Variants in SLC46A2 observed in about 807,000 individuals in gnomAD.
The protein encoded by SLC46A2 is solute carrier family 46 member 2.
A neutral mutation model predicts 33.1 loss-of-function variants in SLC46A2; 25 were observed. That is an observed-to-expected ratio of 0.76 (90% confidence interval 0.55 to 1.06). SLC46A2 has a LOEUF of 1.06. Among genes scored for constraint, SLC46A2 ranks in the 50% least tolerant of loss-of-function variants. The pLI is 0.00. For missense variants in SLC46A2, 622 were observed against 621.7 expected (o/e 1.00, Z 0.00); for synonymous variants, 254 against 275.9 (o/e 0.92, Z 0.79).
Position 112,887,393 on chromosome 9 carries a change from C to A in SLC46A2, c.1150G>T (p.Ala384Ser). 8.7e-6 allele frequency: 14 copies of A among 1,610,928 alleles called. No individual in the cohort carries two copies. The highest frequency in any genetic ancestry group is 1.2e-5 in the Non-Finnish European group (14 of 1,178,676). The change falls in exon 2 of 4, where the codon GCT becomes TCT. Residue 384 changes from alanine to serine, a missense_variant. Coordinates refer to ENST00000374228, the MANE Select transcript of SLC46A2 (RefSeq NM_033051.4). ...FYIARAVMLFALIPVTTIRSA... is the reference protein window; with the variant it reads ...FYIARAVMLFSLIPVTTIRSA... Reference sequence around the variant, plus strand: ...CGGATGGTTGTGACGGGGATGAGAGCAAACAGCATGACGGCTCGAGCTGAA... The same window carrying A: ...CGGATGGTTGTGACGGGGATGAGAGAAAACAGCATGACGGCTCGAGCTGAA...
intron 1 of SLC46A2, among the ~76,000 whole-genome samples, chr9:112,889,311 CCTT>C (rs936368123): frequency 6.6e-6 from 1 of 152,090 alleles, no homozygotes; most frequent in Non-Finnish European, 1.5e-5. Context: ...GACCACACCT[CCTT>C]GACTGCCCAG....
chr9:112,883,583 TATC>T (rs1182271192), intron 3 of SLC46A2, among the ~76,000 whole-genome samples: 1 of 152,076 alleles, frequency 6.6e-6, no homozygotes, highest in Non-Finnish European at 1.5e-5. Flanking sequence ...TTGCTGTTAT[TATC>T]ATTAAAAAAA....
chr9:112,883,414 A>C (rs183221586), intron 3 of SLC46A2, among the ~76,000 whole-genome samples: 1 of 152,230 alleles, frequency 6.6e-6, no homozygotes, highest in East Asian at 1.9e-4. Flanking sequence ...GCCACTTCCT[A>C]GCTGTGTACC....
rs2131548219 is a variant in SLC46A2 at position 112,889,780 on chromosome 9, A to G, written c.902T>C (p.Val301Ala). Reference protein sequence around the residue: ...IIYDLAVVGTVDVIPLFVLRE... With the variant: ...IIYDLAVVGTADVIPLFVLRE... ...CAGCACAAAAAGAGGGATCACGTCC[A>G]CTGTGCCCACCACCGCCAGGTCATA... Residue 301 changes from valine (V) to alanine (A), a missense_variant, in exon 1 of 4, where the codon GTG becomes GCG. By Grantham distance (64) the Val-to-Ala change is moderately conservative. Transcript: ENST00000374228. The G allele has an allele frequency of 6.2e-7, 1 of 1,614,130 alleles. No individual in the cohort carries two copies. Among genetic ancestry groups the G allele is most frequent in the Non-Finnish European group, 8.5e-7 (1 of 1,180,016 alleles).
chr9:112,889,726 T>G lies in SLC46A2; in HGVS notation c.956A>C (p.Gln319Pro). Residue 319 changes from glutamine to proline, a missense_variant, in exon 1 of 4, where the codon CAG becomes CCG. By Grantham distance (76) the Gln-to-Pro change is moderately conservative. Transcript: ENST00000374228. ...LREPLGWNQV[Q>P]VGYGMAAGYT... ...CCCTGCAGCCATACCATAGCCCACC[T>G]GCACTTGGTTCCAACCGAGAGGCTC... 1 of 1,614,130 alleles carries G rather than the reference T, an allele frequency of 6.2e-7. No homozygotes were observed. The highest frequency in any genetic ancestry group is 8.5e-7 in the Non-Finnish European group (1 of 1,180,004).
intron 2 of SLC46A2, 71 bp downstream of exon 2, chr9:112,887,259 T>C: frequency 7.1e-7 from 1 of 1,417,928 alleles, no homozygotes; most frequent in Non-Finnish European, 9.8e-7. Context: ...TCTGCAGGTC[T>C]GTGCCTCATG....
At chr9:112,888,871 A>G (rs1588150621) in intron 1 of SLC46A2, among the ~76,000 whole-genome samples, 1 of 69,510 alleles carries the variant, frequency 1.4e-5, no homozygotes, top group African/African-American at 1.2e-4. Flanking sequence ...CCACTCCTCC[A>G]CGTTTTTTTT....
rs372621524 is a variant in SLC46A2 at position 112,889,955 on chromosome 9, C to T, written c.727G>A (p.Val243Met). The T allele has an allele frequency of 9.3e-6, 15 of 1,614,076 alleles. No individual in the cohort carries two copies. The highest frequency in any genetic ancestry group is 5.3e-5 in the African/African-American group (4 of 74,946). Residue 243 changes from valine to methionine, a missense_variant, in exon 1 of 4, where the codon GTG (valine) becomes ATG (methionine). Coordinates refer to ENST00000374228, the MANE Select transcript of SLC46A2 (RefSeq NM_033051.4). ...VAKPSQELPA[V>M]DTVSGTVGTY... is the part of the protein sequence containing the mutation. ...CCAACCGTGCCAGACACGGTATCCACGGCGGGGAGCTCCTGGCTGGGTTTG... is the reference window on the plus strand; with the variant it reads ...CCAACCGTGCCAGACACGGTATCCATGGCGGGGAGCTCCTGGCTGGGTTTG...
chr9:112,890,776 C>CGGAGCGTGAGTGTGCTCCGTGCGCCG lies in SLC46A2; in HGVS notation c.-96_-95insCGGCGCACGGAGCACACTCACGCTCC, dbSNP rs1827220305. ...GCTACGGCTGCTCAGGTTTCAGTCC[C>CGGAGCGTGAGTGTGCTCCGTGCGCCG]GGAGCGCGAGTGTGCTCCGTGCGCC... On this transcript the variant is annotated 5_prime_UTR_variant, in exon 1 of 4. Coordinates refer to ENST00000374228, the MANE Select transcript of SLC46A2 (RefSeq NM_033051.4). The surrounding 1 kb of genome is among the most constrained non-coding windows in gnomAD (Gnocchi z 6.0). 4.0e-6 allele frequency: 5 copies of CGGAGCGTGAGTGTGCTCCGTGCGCCG among 1,264,690 alleles called. No homozygotes were observed. Among genetic ancestry groups the CGGAGCGTGAGTGTGCTCCGTGCGCCG allele is most frequent in the Non-Finnish European group, 5.4e-6 (5 of 925,078 alleles). 78.3% of individuals were successfully genotyped at this position (1,264,690 alleles called of 1,614,324 possible). A position where few individuals can be genotyped will look rare whatever the true frequency, so the allele number is the denominator to read the frequency against.
chr9:112,886,034 G>T (rs1050773491), intron 3 of SLC46A2, among the ~76,000 whole-genome samples: 2 of 152,208 alleles, frequency 1.3e-5, no homozygotes, highest in Admixed American at 6.5e-5. Flanking sequence ...GATTTCAGCC[G>T]CACTGAGCAC....
chr9:112,889,696 G>A lies in SLC46A2; in HGVS notation c.986C>T (p.Thr329Ile), dbSNP rs979877412. 1.9e-6 allele frequency: 3 copies of A among 1,614,108 alleles called. No individual in the cohort carries two copies. The highest frequency in any genetic ancestry group is 2.2e-5 in the South Asian group (2 of 91,056). The change falls in exon 1 of 4, where the codon ACC becomes ATC. Residue 329 changes from threonine (T) to isoleucine (I), a missense_variant. By Grantham distance (89) the Thr-to-Ile change is moderately conservative. Coordinates refer to ENST00000374228, the MANE Select transcript of SLC46A2 (RefSeq NM_033051.4). ...QVGYGMAAGY[T>I]IFITSFLGVL... ...ACCCAGGAAGCTGGTGATGAAGATG[G>A]TGTACCCTGCAGCCATACCATAGCC...
chr9:112,889,820 C>A lies in SLC46A2; in HGVS notation c.862G>T (p.Val288Leu). The change falls in exon 1 of 4, where the codon GTG becomes TTG. Residue 288 changes from valine (V) to leucine (L), a missense_variant. Physicochemically the swap from Val to Leu is conservative, Grantham distance 32. Transcript: ENST00000374228. Reference sequence around the variant, plus strand: ...GCCAGGTCATATATGATAGCACCCACAAAGAGCAAGGCAATGGTGGTTTTA... The same window carrying A: ...GCCAGGTCATATATGATAGCACCCAAAAAGAGCAAGGCAATGGTGGTTTTA... ...PHKTTIALLF[V>L]GAIIYDLAVV... The A allele has an allele frequency of 2.5e-6, 4 of 1,614,218 alleles. No homozygotes were observed. The highest frequency in any genetic ancestry group is 3.4e-6 in the Non-Finnish European group (4 of 1,180,048).
Position 112,887,371 on chromosome 9 carries a change from A to C in SLC46A2, c.1172T>G (p.Ile391Ser). The change falls in exon 2 of 4, where the codon ATC becomes AGC. Residue 391 changes from isoleucine to serine, a missense_variant. Ile to Ser is a moderately radical substitution (Grantham distance 142, BLOSUM62 -2). Transcript: ENST00000374228. ...TATGAGTTTGGACATAGCTGATCGGATGGTTGTGACGGGGATGAGAGCAAA... is the reference window on the plus strand; with the variant it reads ...TATGAGTTTGGACATAGCTGATCGGCTGGTTGTGACGGGGATGAGAGCAAA... ...MLFALIPVTTIRSAMSKLIKG... is the reference protein window; with the variant it reads ...MLFALIPVTTSRSAMSKLIKG... 1 of 1,612,208 alleles carries C rather than the reference A, an allele frequency of 6.2e-7. No individual in the cohort carries two copies. The highest frequency in any genetic ancestry group is 1.1e-5 in the South Asian group (1 of 90,654).
chr9:112,886,665 C>T, intron 2 of SLC46A2, 49 bp from the exon 3 acceptor site: 2 of 1,605,022 alleles, frequency 1.2e-6, no homozygotes, highest in Non-Finnish European at 1.7e-6. Flanking sequence ...GTCCCTGCCT[C>T]ACTCCCCATT....
rs144666415 is a variant in SLC46A2 at position 112,886,572 on chromosome 9, C to T, written c.1258G>A (p.Val420Met). 7.6e-5 allele frequency: 123 copies of T among 1,614,124 alleles called. No homozygotes were observed. The African/African-American group carries it at 1.3e-3, about 17-fold the overall frequency. Residue 420 changes from valine to methionine, a missense_variant, in exon 3 of 4, where the codon GTG (valine) becomes ATG (methionine). Coordinates refer to ENST00000374228, the MANE Select transcript of SLC46A2 (RefSeq NM_033051.4). ...TTGTTGTACAAGGTGGATGTCACCACGCCGGTCAGAGCCAAGGACAGCTGC... is the reference window on the plus strand; with the variant it reads ...TTGTTGTACAAGGTGGATGTCACCATGCCGGTCAGAGCCAAGGACAGCTGC... ...ILQLSLALTGVVTSTLYNKIY... is the reference protein window; with the variant it reads ...ILQLSLALTGMVTSTLYNKIY...
chr9:112,882,162 A>G (rs1047751412), intron 3 of SLC46A2, among the ~76,000 whole-genome samples: 1 of 152,182 alleles, frequency 6.6e-6, no homozygotes, highest in South Asian at 2.1e-4. Context: ...GCTGAAGCAC[A>G]GTGTCATGAT....
rs1200691355 is a variant in SLC46A2 at position 112,879,150 on chromosome 9, G to T, written c.*612C>A. 1 of 152,202 alleles carries T rather than the reference G, an allele frequency of 6.6e-6. No individual in the cohort carries two copies. The highest frequency in any genetic ancestry group is 1.5e-5 in the Non-Finnish European group (1 of 68,052). 9.4% of individuals were successfully genotyped at this position (152,202 alleles called of 1,614,324 possible). The stretch of plus-strand genomic sequence containing the variant: ...ACAGTAGTAACAAAACTACCCAGAA[G>T]ACAAGGGCCTGAGCTCCATCCCCCT... On this transcript the variant is annotated 3_prime_UTR_variant, in exon 4 of 4. Coordinates refer to ENST00000374228, the MANE Select transcript of SLC46A2 (RefSeq NM_033051.4).
intron 2 of SLC46A2, 44 bp downstream of exon 2, chr9:112,887,286 C>T (rs1020897786): frequency 6.3e-7 from 1 of 1,586,630 alleles, no homozygotes. Flanking sequence ...AGCTCTGAAA[C>T]AGCCCGGGCA....
intron 3 of SLC46A2, among the ~76,000 whole-genome samples, chr9:112,883,451 AG>A (rs1841607063): frequency 6.6e-6 from 1 of 151,802 alleles, no homozygotes; most frequent in Non-Finnish European, 1.5e-5. Context: ...AATACCTTGG[AG>A]GCTGTTTCCT....
Sources: gnomAD v4.1 joint callset for allele counts (sites outside exome capture counted in the v4.1 genomes callset) on GRCh38, gnomAD v4.1.1 for gene constraint, Gnocchi (gnomAD v3.1) non-coding constraint, MANE v1.5 for transcripts, NCBI Gene and HGNC (gene_info 2026-07-23, HGNC 2026-07-21) for gene names.